The following HNRNPR variants were observed in gnomAD, a reference collection of about 807,000 sequenced individuals.
HNRNPR encodes the protein heterogeneous nuclear ribonucleoprotein R.
HNRNPR carries 4 observed loss-of-function variants against 70.3 expected under a neutral mutation model. The observed-to-expected ratio is 0.06, with a 90% CI of 0.03 to 0.13. The LOEUF (loss-of-function observed/expected upper bound fraction) is 0.13. Ranked by LOEUF, HNRNPR falls within the 10% of genes least tolerant of loss-of-function variation. The probability of loss-of-function intolerance (pLI) is 1.00; values close to 1 mark genes in which losing one functional copy is unlikely to be tolerated. For synonymous variants in HNRNPR, 241 were observed against 267.6 expected (o/e 0.90, Z 0.97); for missense variants, 423 against 788.5 (o/e 0.54, Z 5.55).
chr1:23,338,673 G>A (rs769826683), intron 2 of HNRNPR, 65 bp from the exon 3 acceptor site: 18 of 703,112 alleles, frequency 2.6e-5, no homozygotes, highest in Middle Eastern at 2.5e-4. Context: ...CTCTACTGAC[G>A]TTTAATCAAG....
intron 8 of HNRNPR, among the ~76,000 whole-genome samples, chr1:23,314,130 C>T (rs1055079819): frequency 2.6e-5 from 4 of 151,820 alleles, no homozygotes; most frequent in African/African-American, 9.7e-5. Context: ...CAAATATAAA[C>T]AAACTATAAT....
chr1:23,316,429 C>G (rs1311369109), intron 8 of HNRNPR, among the ~76,000 whole-genome samples: 1 of 152,118 alleles, frequency 6.6e-6, no homozygotes, highest in East Asian at 1.9e-4. Context: ...AGAATGAAAT[C>G]TTGAAGTTTT....
Position 23,308,001 on chromosome 1 carries a change from G to A in HNRNPR, c.*2453C>T, listed in dbSNP as rs1342488033. 1 of 151,688 alleles carries A rather than the reference G, an allele frequency of 6.6e-6. No individual in the cohort carries two copies. The highest frequency in any genetic ancestry group is 6.6e-5 in the Admixed American group (1 of 15,216). The allele number at this position is 151,688 out of a possible 1,614,324, so 9.4% of individuals were successfully genotyped here. On this transcript the variant is annotated 3_prime_UTR_variant, in exon 11 of 11. Transcript: ENST00000302271. Reference sequence around the variant, plus strand: ...ATATTACACTGTTAGATTTATTTATGTGAAAAGTTGAGCTCTGAATCTATT... The same window carrying A: ...ATATTACACTGTTAGATTTATTTATATGAAAAGTTGAGCTCTGAATCTATT...
rs898634790 is a variant in HNRNPR, at chr1:23,315,297, A to G, written c.1018-1595T>C. Among the ~76,000 whole-genome samples, 7 of 124,964 alleles carry G rather than the reference A, an allele frequency of 5.6e-5. 1 individual carries two copies. The highest frequency in any genetic ancestry group is 1.3e-4 in the Non-Finnish European group (7 of 52,446). The allele number at this position is 124,964 out of a possible 152,430, so 82.0% of individuals were successfully genotyped here. ...TCCGTCTCAAAAAAAAAAAAAAAAAAAAAAAAAACAAAAACCCAAAAAATG... is the reference window on the plus strand; with the variant it reads ...TCCGTCTCAAAAAAAAAAAAAAAAAGAAAAAAAACAAAAACCCAAAAAATG... On this transcript the variant is annotated intron_variant, in intron 8 of 10. Transcript: ENST00000302271.
chr1:23,339,128 C>T (rs1646616320), intron 2 of HNRNPR, among the ~76,000 whole-genome samples: 1 of 152,220 alleles, frequency 6.6e-6, no homozygotes, highest in African/African-American at 2.4e-5. Flanking sequence ...GGCTTTCCCT[C>T]CTGAACACCA....
chr1:23,324,997 G>C (rs182829805), intron 5 of HNRNPR, among the ~76,000 whole-genome samples: 1 of 151,832 alleles, frequency 6.6e-6, no homozygotes, highest in Non-Finnish European at 1.5e-5. Context: ...AAAATTAGCC[G>C]GGCGTGGTGG....
Position 23,323,745 on chromosome 1 carries a change from C to T in HNRNPR, c.499-13G>A, listed in dbSNP as rs1280956796. ...TGCCTACAAATACCTGAAATAAAACCCCCTTATTAGAATCCAACATAAGCA... is the reference window on the plus strand; with the variant it reads ...TGCCTACAAATACCTGAAATAAAACTCCCTTATTAGAATCCAACATAAGCA... On this transcript the variant is annotated splice_polypyrimidine_tract_variant and intron_variant, in intron 5 of 10. Transcript: ENST00000302271. 1 of 1,610,446 alleles carries T rather than the reference C, an allele frequency of 6.2e-7. No homozygotes were observed. The highest frequency in any genetic ancestry group is 2.2e-5 in the East Asian group (1 of 44,866).
At chr1:23,341,067 G>C in intron 1 of HNRNPR, 50 bp from the exon 2 acceptor site, 1 of 1,406,046 alleles carries the variant, frequency 7.1e-7, no homozygotes, top group Admixed American at 2.0e-5. Context: ...GAAATAACTA[G>C]TTTGTAGGAC....
intron 2 of HNRNPR, among the ~76,000 whole-genome samples, chr1:23,339,375 T>A (rs1419442225): frequency 1.3e-5 from 2 of 152,226 alleles, no homozygotes; most frequent in African/African-American, 4.8e-5. Context: ...AATAAAGACT[T>A]TATGGTCTTA....
chr1:23,339,964 G>C (rs1030802370), intron 2 of HNRNPR, among the ~76,000 whole-genome samples: 11 of 151,716 alleles, frequency 7.3e-5, no homozygotes, highest in African/African-American at 2.7e-4. Context: ...CATGACCCAG[G>C]AGTCATTTTT....
intron 4 of HNRNPR, among the ~76,000 whole-genome samples, chr1:23,336,708 T>TGAGATG (rs1310095708): frequency 4.3e-5 from 6 of 138,454 alleles, no homozygotes; most frequent in Non-Finnish European, 6.0e-5. Flanking sequence ...TGAGATGAGC[T>TGAGATG]GAGATGGCGC....
chr1:23,338,885 C>T (rs916525387), intron 2 of HNRNPR, among the ~76,000 whole-genome samples: 1 of 152,136 alleles, frequency 6.6e-6, no homozygotes, highest in African/African-American at 2.4e-5. Flanking sequence ...TCCCACTCCC[C>T]CAAAGGTATA....
At chr1:23,333,303 A>G (rs182510645) in intron 5 of HNRNPR, among the ~76,000 whole-genome samples, 13 of 152,326 alleles carry the variant, frequency 8.5e-5, no homozygotes, top group Admixed American at 8.5e-4. Context: ...CAAAAACTCT[A>G]TATTATATTC....
chr1:23,311,539 T>C, intron 9 of HNRNPR: 1 of 402,016 alleles, frequency 2.5e-6, no homozygotes, highest in Non-Finnish European at 4.4e-6. Flanking sequence ...TAAATTACAT[T>C]TAGAACAAAA....
In HNRNPR at chr1:23,318,475, G is replaced by T. The variant is rs1196152575; in HGVS notation, c.1017+8C>A. ...GACCCTATGCCCATTCCAAGCAACT[G>T]TATTTACCTTAGCCATGACTTCTGG... On this transcript the variant is annotated splice_region_variant and intron_variant, in intron 8 of 10. Transcript: ENST00000302271. This position sits in a 1 kb window ranked among gnomAD's most constrained non-coding sequence, Gnocchi z 4.2. 1.9e-6 allele frequency: 3 copies of T among 1,609,806 alleles called. No individual in the cohort carries two copies. Among genetic ancestry groups the T allele is most frequent in the Non-Finnish European group, 2.6e-6 (3 of 1,176,214 alleles).
At chr1:23,334,375 T>G (rs533303013) in intron 4 of HNRNPR, among the ~76,000 whole-genome samples, 2 of 151,710 alleles carry the variant, frequency 1.3e-5, no homozygotes, top group East Asian at 3.9e-4. Context: ...CAGCTGGGAC[T>G]ACAGGCACCC....
At chr1:23,333,136 C>T (rs1386927210) in intron 5 of HNRNPR, among the ~76,000 whole-genome samples, 2 of 151,960 alleles carry the variant, frequency 1.3e-5, no homozygotes, top group South Asian at 4.2e-4. Context: ...TTGCTGAGAC[C>T]GTGTCACTGC....
At chr1:23,332,684 G>A (rs1358219846) in intron 5 of HNRNPR, among the ~76,000 whole-genome samples, 3 of 123,566 alleles carry the variant, frequency 2.4e-5, no homozygotes, top group African/African-American at 9.5e-5. Context: ...TAGGCAACAA[G>A]AGCAAAAATT....
At chr1:23,324,911 C>T (rs1176663745) in intron 5 of HNRNPR, among the ~76,000 whole-genome samples, 7 of 151,960 alleles carry the variant, frequency 4.6e-5, no homozygotes, top group East Asian at 3.9e-4. Flanking sequence ...GAGGCTGAGG[C>T]GGGCGGATCA....
Sources: gnomAD v4.1 joint callset for allele counts (sites outside exome capture counted in the v4.1 genomes callset) on GRCh38, gnomAD v4.1.1 for gene constraint, Gnocchi (gnomAD v3.1) non-coding constraint, MANE v1.5 for transcripts, NCBI Gene and HGNC (gene_info 2026-07-23, HGNC 2026-07-21) for gene names.